Variants in SYT16 observed in about 807,000 individuals in gnomAD.
The protein encoded by SYT16 is synaptotagmin 16.
SYT16 carries 42 observed loss-of-function variants against 61.4 expected under a neutral mutation model. The observed-to-expected ratio is 0.68, with a 90% CI of 0.53 to 0.89. The LOEUF is 0.89. Ranked by LOEUF, SYT16 falls within the 40% of genes least tolerant of loss-of-function variation. SYT16 has a pLI of 0.00. For missense variants in SYT16, 804 were observed against 807.3 expected (o/e 1.00, Z 0.05); for synonymous variants, 314 against 302.3 (o/e 1.04, Z -0.40).
intron 3 of SYT16, among the ~76,000 whole-genome samples, chr14:62,052,055 A>G (rs1403377934): frequency 6.6e-6 from 1 of 152,164 alleles, no homozygotes; most frequent in Non-Finnish European, 1.5e-5. Context: ...TTTTCTTTAT[A>G]TTAATATTTT....
At chr14:62,007,652 T>TA (rs1466491575) in intron 3 of SYT16, among the ~76,000 whole-genome samples, 1 of 152,158 alleles carries the variant, frequency 6.6e-6, no homozygotes, top group Non-Finnish European at 1.5e-5. Flanking sequence ...GGACAGAAGT[T>TA]AGAATATGTA....
At chr14:62,055,697 G>T (rs2055522927) in intron 3 of SYT16, among the ~76,000 whole-genome samples, 1 of 152,206 alleles carries the variant, frequency 6.6e-6, no homozygotes, top group Admixed American at 6.5e-5. Context: ...GCTCAAAAAT[G>T]CAAGGACAAC....
intron 1 of SYT16, among the ~76,000 whole-genome samples, chr14:61,862,093 T>A (rs2140289495): frequency 6.6e-6 from 1 of 152,344 alleles, no homozygotes; most frequent in South Asian, 2.1e-4. Flanking sequence ...ATGTGTGCTT[T>A]ATTGTTATAT....
chr14:62,000,099 A>ATTTTTTTTTTTTTTTTTTT, intron 3 of SYT16, among the ~76,000 whole-genome samples: 2 of 18,956 alleles, frequency 1.1e-4, no homozygotes, highest in South Asian at 2.5e-3. Flanking sequence ...TTGTCTCTCG[A>ATTTTTTTTTTTTTTTTTTT]TTTTTTTTTT....
chr14:62,009,437 T>C (rs568613391), intron 3 of SYT16, among the ~76,000 whole-genome samples: 1 of 152,194 alleles, frequency 6.6e-6, no homozygotes, highest in Non-Finnish European at 1.5e-5. Context: ...GAGTTAATCA[T>C]TGTACATTCA....
intron 2 of SYT16, among the ~76,000 whole-genome samples, chr14:61,995,392 A>G (rs1451510007): frequency 1.3e-5 from 2 of 152,286 alleles, no homozygotes; most frequent in East Asian, 3.9e-4. Context: ...ATAAAAATAT[A>G]AAATCCTATT....
At chr14:61,826,715 T>A (rs1010632302) in intron 1 of SYT16, among the ~76,000 whole-genome samples, 2 of 151,968 alleles carry the variant, frequency 1.3e-5, no homozygotes, top group African/African-American at 2.4e-5. Context: ...GTAGACTTGC[T>A]GCATTGGTCA....
chr14:62,004,592 T>C (rs552058184), intron 3 of SYT16, among the ~76,000 whole-genome samples: 66 of 152,262 alleles, frequency 4.3e-4, no homozygotes, highest in African/African-American at 1.6e-3. Context: ...AGAACTATTA[T>C]AGTAGCTTGT....
chr14:62,109,776 A>G lies in SYT16; in HGVS notation c.*9069A>G, dbSNP rs896332021. The G allele has an allele frequency of 4.6e-5, 7 of 152,150 alleles. No individual in the cohort carries two copies. The highest frequency in any genetic ancestry group is 1.7e-4 in the African/African-American group (7 of 41,454). 9.4% of individuals were successfully genotyped at this position (152,150 alleles called of 1,614,324 possible). A position where few individuals can be genotyped will look rare whatever the true frequency, so the allele number is the denominator to read the frequency against. On this transcript the variant is annotated 3_prime_UTR_variant, in exon 8 of 8. Transcript: ENST00000683842. ...GTGTTAATTATGTTATTACTGATTC[A>G]TGATAGAAAATCACCTTCTGTCGCT...
chr14:62,022,399 T>C (rs1314403346), intron 3 of SYT16, among the ~76,000 whole-genome samples: 1 of 152,194 alleles, frequency 6.6e-6, no homozygotes, highest in Non-Finnish European at 1.5e-5. Context: ...CTCATTCTTA[T>C]TGTTCTTTTG....
intron 1 of SYT16, among the ~76,000 whole-genome samples, chr14:61,869,359 A>G (rs1474602088): frequency 6.6e-6 from 1 of 151,922 alleles, no homozygotes; most frequent in Non-Finnish European, 1.5e-5. Flanking sequence ...CTTCTTTTGG[A>G]TTAAATGAAA....
chr14:61,829,634 C>T (rs1037588338), intron 1 of SYT16, among the ~76,000 whole-genome samples: 2 of 151,730 alleles, frequency 1.3e-5, no homozygotes, highest in South Asian at 2.1e-4. Context: ...TCAGATTAGA[C>T]AATTTCTATT....
chr14:61,993,792 C>T (rs1959326), intron 2 of SYT16, among the ~76,000 whole-genome samples: 92,986 of 152,024 alleles, frequency 0.61, 30,294 homozygotes, highest in African/African-American at 0.84. Flanking sequence ...ATTTATCCAT[C>T]AACTTAACCA....
chr14:61,954,325 T>TTA (rs33960576), intron 1 of SYT16, among the ~76,000 whole-genome samples: 5 of 147,130 alleles, frequency 3.4e-5, no homozygotes, highest in Non-Finnish European at 7.4e-5. Context: ...TTTTTTTTTT[T>TTA]ACCCCTTCAC....
intron 1 of SYT16, among the ~76,000 whole-genome samples, chr14:61,865,446 C>T (rs996739125): frequency 6.6e-6 from 1 of 152,154 alleles, no homozygotes; most frequent in African/African-American, 2.4e-5. Context: ...TCCTCCAGGC[C>T]TCATCAGCAG....
chr14:62,044,324 T>C (rs2054872421), intron 3 of SYT16, among the ~76,000 whole-genome samples: 1 of 152,192 alleles, frequency 6.6e-6, no homozygotes, highest in Non-Finnish European at 1.5e-5. Flanking sequence ...GGGATACATG[T>C]GCAGAATGTG....
chr14:62,095,119 G>A (rs1445778868), intron 7 of SYT16, among the ~76,000 whole-genome samples: 1 of 151,980 alleles, frequency 6.6e-6, no homozygotes, highest in African/African-American at 2.4e-5. Flanking sequence ...GGATATCGTA[G>A]TAAATATCAA....
chr14:61,867,167 T>G (rs1040500028), intron 1 of SYT16, among the ~76,000 whole-genome samples: 3 of 152,088 alleles, frequency 2.0e-5, no homozygotes, highest in African/African-American at 7.2e-5. Flanking sequence ...ATATAATAAG[T>G]GTTGAAATCA....
At chr14:61,927,024 AG>A (rs34629090) in intron 1 of SYT16, among the ~76,000 whole-genome samples, 2 of 152,272 alleles carry the variant, frequency 1.3e-5, no homozygotes, top group Non-Finnish European at 1.5e-5. Context: ...TGTATGAAAC[AG>A]GAAAATTAAA....
Sources: gnomAD v4.1 joint callset for allele counts (sites outside exome capture counted in the v4.1 genomes callset) on GRCh38, gnomAD v4.1.1 for gene constraint, MANE v1.5 for transcripts, NCBI Gene and HGNC (gene_info 2026-07-23, HGNC 2026-07-21) for gene names.